ZNF607: variants seen among roughly 807,000 people sequenced by gnomAD.
ZNF607 encodes zinc finger protein 607.
Under a neutral mutation model 12.8 loss-of-function variants are expected in ZNF607, and 5 were observed. That is an observed-to-expected ratio of 0.39 (90% confidence interval 0.20 to 0.82). ZNF607 has a LOEUF of 0.82. Ranked by LOEUF, ZNF607 falls within the 40% of genes least tolerant of loss-of-function variation. The probability of loss-of-function intolerance (pLI) is 0.39; values close to 1 mark genes in which losing one functional copy is unlikely to be tolerated. For synonymous variants in ZNF607, 287 were observed against 276.2 expected (o/e 1.04, Z -0.39); for missense variants, 851 against 859.2 (o/e 0.99, Z 0.12).
In ZNF607 at chr19:37,707,497, C is replaced by T. The variant is rs114126983; in HGVS notation, c.235+417G>A. Among the ~76,000 whole-genome samples the T allele has an allele frequency of 3.6e-3, 540 of 151,926 alleles. 1 individual carries two copies. The highest frequency in any genetic ancestry group is 0.013 in the African/African-American group (519 of 41,440). On this transcript the variant is annotated intron_variant, in intron 4 of 4. Coordinates refer to ENST00000355202, the MANE Select transcript of ZNF607 (RefSeq NM_032689.5). ...ATATAGAACAATTCTGGGCCAGGCA[C>T]GGTGGTTTACACCTATAATCCCAGC...
rs2045017247 is a variant in ZNF607, at chr19:37,699,414, T to C, written c.717A>G (p.Arg239=). 25 of 1,614,134 alleles carry C rather than the reference T, an allele frequency of 1.5e-5. No homozygotes were observed. The highest frequency in any genetic ancestry group is 2.1e-5 in the Non-Finnish European group (25 of 1,180,012). ...ECGKAFSVYG[R]LSRHQSIHTG... ...TGTGAATACTCTGATGTCGACTAAG[T>C]CGTCCATACACACTAAAGGCCTTGC... Residue 239 remains arginine, a synonymous_variant, in exon 5 of 5, where the codon CGA becomes CGG. Transcript: ENST00000355202.
chr19:37,699,592 C>A lies in ZNF607; in HGVS notation c.539G>T (p.Ser180Ile). ...ATGTTGAGCAAGGTTTGCAGGATAACTGAAGACCTTCCCACATTCTTCACA... is the reference window on the plus strand; with the variant it reads ...ATGTTGAGCAAGGTTTGCAGGATAAATGAAGACCTTCCCACATTCTTCACA... ...YECEECGKVFSYPANLAQHGK... is the reference protein window; with the variant it reads ...YECEECGKVFIYPANLAQHGK... The change falls in exon 5 of 5, where the codon AGT becomes ATT. Residue 180 changes from serine to isoleucine, a missense_variant. Physicochemically the swap from Ser to Ile is moderately radical, Grantham distance 142. Coordinates refer to ENST00000355202, the MANE Select transcript of ZNF607 (RefSeq NM_032689.5). The A allele has an allele frequency of 1.2e-6, 2 of 1,614,112 alleles. No individual in the cohort carries two copies. Among genetic ancestry groups the A allele is most frequent in the South Asian group, 1.1e-5 (1 of 91,080 alleles).
intron 1 of ZNF607, among the ~76,000 whole-genome samples, chr19:37,712,629 G>A (rs1236969915): frequency 6.6e-6 from 1 of 152,150 alleles, no homozygotes; most frequent in East Asian, 1.9e-4. Flanking sequence ...CCTTTGCTTA[G>A]CAACTTCCCA....
At position 37,698,156 on chromosome 19, in the gene ZNF607, C is replaced by G. The variant is rs373846590; in HGVS notation, c.1975G>C (p.Glu659Gln). ...TGAACTCTATGATGTATACTAAGTT[C>G]ATGGCTACTATTAAAAGCTTTCCCA... ...ECGKAFNSSH[E>Q]LSIHHRVHTG... The change falls in exon 5 of 5, where the codon GAA (glutamate) becomes CAA (glutamine). Residue 659 changes from glutamate to glutamine, a missense_variant. Physicochemically the swap from Glu to Gln is conservative, Grantham distance 29 (BLOSUM62 2). Coordinates refer to ENST00000355202, the MANE Select transcript of ZNF607 (RefSeq NM_032689.5). The G allele has an allele frequency of 2.5e-6, 4 of 1,613,826 alleles. No homozygotes were observed. Among genetic ancestry groups the G allele is most frequent in the African/African-American group, 2.7e-5 (2 of 74,878 alleles).
chr19:37,697,316 A>G lies in ZNF607; in HGVS notation c.*724T>C, dbSNP rs980398448. 2.7e-6 allele frequency: 3 copies of G among 1,130,106 alleles called. No individual in the cohort carries two copies. The highest frequency in any genetic ancestry group is 3.0e-5 in the African/African-American group (2 of 67,040). 70.0% of individuals were successfully genotyped at this position (1,130,106 alleles called of 1,614,324 possible). ...TGGCAGCTCTGTGCCCAGCATCCACATTACATAAGGCAGAGTTCACCATGC... is the reference window on the plus strand; with the variant it reads ...TGGCAGCTCTGTGCCCAGCATCCACGTTACATAAGGCAGAGTTCACCATGC... On this transcript the variant is annotated 3_prime_UTR_variant, in exon 5 of 5. Transcript: ENST00000355202.
intron 4 of ZNF607, among the ~76,000 whole-genome samples, chr19:37,704,128 C>T (rs550273558): frequency 8.0e-5 from 12 of 149,786 alleles, no homozygotes; most frequent in African/African-American, 2.0e-4. Context: ...AGTAAGACTC[C>T]GTCTGAAAAA....
intron 3 of ZNF607, among the ~76,000 whole-genome samples, chr19:37,708,872 C>T (rs1463892495): frequency 6.7e-6 from 1 of 148,612 alleles, no homozygotes; most frequent in Admixed American, 6.7e-5. Context: ...AGCCTGGGAT[C>T]AATTCCTGAC....
chr19:37,706,102 G>A (rs2045080693), intron 4 of ZNF607, among the ~76,000 whole-genome samples: 1 of 152,064 alleles, frequency 6.6e-6, no homozygotes, highest in Admixed American at 6.6e-5. Context: ...GCGGAGGCAG[G>A]AGAATTGCTT....
intron 1 of ZNF607, among the ~76,000 whole-genome samples, chr19:37,712,025 C>A (rs1181686725): frequency 6.6e-6 from 1 of 152,186 alleles, no homozygotes; most frequent in Non-Finnish European, 1.5e-5. Context: ...TACCTCTTTC[C>A]ATTCCCTCCT....
rs1288590100 is a variant in ZNF607 at position 37,697,534 on chromosome 19, T to C, written c.*506A>G. ...ATATGATCCCCAGAAGGGATAAATA[T>C]CTTCCCCCATATCATCCCAGCTATA... On this transcript the variant is annotated 3_prime_UTR_variant, in exon 5 of 5. Coordinates refer to ENST00000355202, the MANE Select transcript of ZNF607 (RefSeq NM_032689.5). The C allele has an allele frequency of 3.7e-6, 2 of 538,280 alleles. No individual in the cohort carries two copies. The highest frequency in any genetic ancestry group is 1.9e-5 in the African/African-American group (1 of 52,788). 33.3% of individuals were successfully genotyped at this position (538,280 alleles called of 1,614,324 possible). A position where few individuals can be genotyped will look rare whatever the true frequency, so the allele number is the denominator to read the frequency against.
chr19:37,717,367 A>G (rs797015838), intron 1 of ZNF607, among the ~76,000 whole-genome samples: 50 of 151,918 alleles, frequency 3.3e-4, no homozygotes, highest in African/African-American at 1.2e-3. Context: ...TTGTATTTTT[A>G]GTAGAGACGG....
intron 4 of ZNF607, among the ~76,000 whole-genome samples, chr19:37,702,456 T>G (rs980924440): frequency 6.6e-6 from 1 of 152,048 alleles, no homozygotes; most frequent in Non-Finnish European, 1.5e-5. Flanking sequence ...AGAAATAAAT[T>G]TGTAGAATTA....
chr19:37,713,178 G>GCC (rs1447453866), intron 1 of ZNF607, among the ~76,000 whole-genome samples: 12 of 151,932 alleles, frequency 7.9e-5, no homozygotes, highest in Admixed American at 5.3e-4. Flanking sequence ...CATAGACTCA[G>GCC]TGTAATTTGT....
rs141478903 is a variant in ZNF607 at position 37,704,597 on chromosome 19, T to C, written c.235+3317A>G. On this transcript the variant is annotated intron_variant, in intron 4 of 4. Transcript: ENST00000355202. ...ACACAATGTATCAACTTTTATGGAA[T>C]ACTAACTAATAAAGAATTACCTAGG... Among the ~76,000 whole-genome samples the C allele has an allele frequency of 4.3e-3, 661 of 152,292 alleles. 2 individuals carry two copies. The highest frequency in any genetic ancestry group is 0.015 in the African/African-American group (642 of 41,576).
rs1266215477 is a variant in ZNF607 at position 37,709,710 on chromosome 19, T to C, written c.122A>G (p.Asn41Ser). 6 of 1,613,894 alleles carry C rather than the reference T, an allele frequency of 3.7e-6. No individual in the cohort carries two copies. Among genetic ancestry groups the C allele is most frequent in the Admixed American group, 1.7e-5 (1 of 60,022 alleles). ...YQEVMMENYD[N>S]LVSLAGHSVS... ...GATAAACATACCCAATGAGACTAAG[T>C]TGTCATAGTTCTCCATCATCACCTC... The change falls in exon 3 of 5, where the codon AAC becomes AGC. Residue 41 changes from asparagine (N) to serine (S), a missense_variant. Transcript: ENST00000355202.
intron 4 of ZNF607, among the ~76,000 whole-genome samples, chr19:37,702,619 G>C (rs748749743): frequency 5.3e-5 from 8 of 152,098 alleles, no homozygotes; most frequent in Non-Finnish European, 1.2e-4. Context: ...CAGAATATAA[G>C]AAAAGCATCA....
At chr19:37,705,823 C>G (rs879493713) in intron 4 of ZNF607, among the ~76,000 whole-genome samples, 2 of 152,092 alleles carry the variant, frequency 1.3e-5, no homozygotes, top group African/African-American at 4.8e-5. Flanking sequence ...TTCTCTCTCT[C>G]CCCCACCCCT....
intron 2 of ZNF607, among the ~76,000 whole-genome samples, chr19:37,710,235 C>T (rs552820605): frequency 2.0e-5 from 3 of 151,768 alleles, no homozygotes; most frequent in East Asian, 2.0e-4. Context: ...GAGGCCAAGG[C>T]GGGCAGATTA....
intron 4 of ZNF607, among the ~76,000 whole-genome samples, chr19:37,700,109 G>C (rs528999133): frequency 5.3e-4 from 81 of 152,132 alleles, no homozygotes; most frequent in African/African-American, 1.9e-3. Context: ...CACACACACA[G>C]AGCCCTGTTT....
Sources: allele counts gnomAD v4.1 joint callset (sites outside exome capture counted in the v4.1 genomes callset), GRCh38; gene constraint gnomAD v4.1.1; transcripts MANE v1.5; gene names NCBI Gene and HGNC (gene_info 2026-07-23, HGNC 2026-07-21).